DCHS2: variants seen among roughly 807,000 people sequenced by gnomAD.
DCHS2 encodes dachsous cadherin-related 2, also known as protocadherin-23.
DCHS2 carries 142 observed loss-of-function variants against 182.4 expected under a neutral mutation model. That is an observed-to-expected ratio of 0.78 (90% confidence interval 0.68 to 0.89). The LOEUF is 0.89. Among genes scored for constraint, DCHS2 ranks in the 40% least tolerant of loss-of-function variants. DCHS2 has a pLI of 0.00. For missense variants in DCHS2, 4,319 were observed against 4,198.6 expected (o/e 1.03, Z -0.79); for synonymous variants, 1,740 against 1,663.3 (o/e 1.05, Z -1.12).
intron 3 of DCHS2, among the ~76,000 whole-genome samples, chr4:154,337,915 A>G (rs990708566): frequency 7.9e-5 from 12 of 152,034 alleles, no homozygotes; most frequent in African/African-American, 2.9e-4. Flanking sequence ...TAATTTTTGT[A>G]TCTTTAGTAG....
intron 1 of DCHS2, among the ~76,000 whole-genome samples, chr4:154,488,255 A>G (rs1728659190): frequency 6.6e-6 from 1 of 151,992 alleles, no homozygotes; most frequent in Admixed American, 6.6e-5. Context: ...AAAACATGCC[A>G]TTCTGATAGT....
At chr4:154,426,566 T>C (rs952670453) in intron 1 of DCHS2, among the ~76,000 whole-genome samples, 9 of 152,138 alleles carry the variant, frequency 5.9e-5, no homozygotes, top group Non-Finnish European at 1.0e-4. Flanking sequence ...TACAAATATA[T>C]AACTAGATAG....
At chr4:154,464,179 C>T (rs1223167676) in intron 1 of DCHS2, among the ~76,000 whole-genome samples, 1 of 152,152 alleles carries the variant, frequency 6.6e-6, no homozygotes, top group African/African-American at 2.4e-5. Flanking sequence ...AGAGGGGACA[C>T]TGAATTCCTA....
intron 16 of DCHS2, among the ~76,000 whole-genome samples, chr4:154,248,219 G>A (rs2111127938): frequency 6.6e-6 from 1 of 152,270 alleles, no homozygotes; most frequent in Non-Finnish European, 1.5e-5. Context: ...ATTTGACTAT[G>A]AAGTAAACAT....
At chr4:154,239,068 G>A in intron 19 of DCHS2, 102 bp downstream of exon 19, 2 of 1,436,188 alleles carry the variant, frequency 1.4e-6, no homozygotes, top group Non-Finnish European at 1.8e-6. Flanking sequence ...ATGCGGGGTG[G>A]GGAGGTGGGG....
chr4:154,340,332 C>G (rs1022416958), intron 3 of DCHS2, among the ~76,000 whole-genome samples: 1 of 152,104 alleles, frequency 6.6e-6, no homozygotes, highest in Non-Finnish European at 1.5e-5. Context: ...GAGAAGCTGT[C>G]TATATAAAGC....
At chr4:154,283,572 A>C (rs6834372) in intron 13 of DCHS2, among the ~76,000 whole-genome samples, 4 of 151,990 alleles carry the variant, frequency 2.6e-5, no homozygotes, top group African/African-American at 9.7e-5. Context: ...GATTTTAATG[A>C]GGCAACTTTC....
intron 1 of DCHS2, among the ~76,000 whole-genome samples, chr4:154,418,658 CCTT>C (rs1422900635): frequency 6.6e-6 from 1 of 152,104 alleles, no homozygotes; most frequent in Non-Finnish European, 1.5e-5. Flanking sequence ...TGTAATATCT[CCTT>C]TTCTACCCTG....
chr4:154,377,293 TC>T lies in DCHS2; in HGVS notation c.2203del (p.Asp735IlefsTer17). ...CVSQDIDRER[D>X]PATYDLLVEA... ...CACCAGGAGATCATAGGTAGCTGGA[TC>T]CCTTTCCCTGTCGATATCTTGAGAA... On this transcript the variant is annotated frameshift_variant, in exon 2 of 20. Transcript: ENST00000357232. LOFTEE classifies it high-confidence loss of function. The T allele has an allele frequency of 6.2e-7, 1 of 1,613,636 alleles. No homozygotes were observed. The highest frequency in any genetic ancestry group is 8.5e-7 in the Non-Finnish European group (1 of 1,179,706).
chr4:154,333,561 G>A (rs1404206880), intron 4 of DCHS2, 67 bp from the exon 5 acceptor site: 2 of 1,442,938 alleles, frequency 1.4e-6, no homozygotes, highest in Non-Finnish European at 1.9e-6. Context: ...CTCAGAAATT[G>A]AAATGTTAAT....
At chr4:154,398,647 T>C (rs1331416778) in intron 1 of DCHS2, among the ~76,000 whole-genome samples, 1 of 152,220 alleles carries the variant, frequency 6.6e-6, no homozygotes, top group Non-Finnish European at 1.5e-5. Context: ...TTCCTATCCC[T>C]ATAAAGCTAT....
rs1398204719 is a variant in DCHS2, at chr4:154,304,927, C to A, written c.5396-49G>T. 3 of 1,548,402 alleles carry A rather than the reference C, an allele frequency of 1.9e-6. No homozygotes were observed. In the East Asian group the frequency reaches 6.9e-5, roughly 36 times the overall value. On this transcript the variant is annotated intron_variant, in intron 11 of 19. Transcript: ENST00000357232. ...ATGAATTGTGGCCTTTGATTCATAC[C>A]TAAAATATGTTGTTCTAACTAGACA... is the stretch of plus-strand genomic sequence containing the variant.
At chr4:154,450,197 G>A (rs1046249888) in intron 1 of DCHS2, among the ~76,000 whole-genome samples, 1 of 152,152 alleles carries the variant, frequency 6.6e-6, no homozygotes, top group African/African-American at 2.4e-5. Context: ...CATAGATGAA[G>A]GAAAACACTT....
chr4:154,371,532 G>A (rs756536746), intron 2 of DCHS2, among the ~76,000 whole-genome samples: 4 of 152,118 alleles, frequency 2.6e-5, no homozygotes, highest in East Asian at 3.9e-4. Context: ...GAAGCATTTC[G>A]AAGGGCAGAG....
intron 12 of DCHS2, among the ~76,000 whole-genome samples, chr4:154,302,790 C>CAT (rs200879847): frequency 0.017 from 2,358 of 141,412 alleles, 69 homozygotes; most frequent in African/African-American, 0.063. Context: ...GGATGCCTTT[C>CAT]ATATATATAT....
Position 154,259,630 on chromosome 4 carries a change from T to G in DCHS2, c.6704A>C (p.Glu2235Ala). Residue 2235 changes from glutamate to alanine, a missense_variant, in exon 15 of 20, where the codon GAG (glutamate) becomes GCG (alanine). Coordinates refer to ENST00000357232, the MANE Select transcript of DCHS2 (RefSeq NM_001358235.2). ...TTCAAAGCATGGTGAATTATCATTC[T>G]CATCCTGTATCAAGACTGCTACTTT... ...YCKVAVLIQD[E>A]NDNSPCFEQS... is the part of the protein sequence containing the mutation. 1 of 1,614,096 alleles carries G rather than the reference T, an allele frequency of 6.2e-7. No homozygotes were observed. Among genetic ancestry groups the G allele is most frequent in the Non-Finnish European group, 8.5e-7 (1 of 1,180,020 alleles).
At chr4:154,360,138 G>A (rs926625262) in intron 3 of DCHS2, among the ~76,000 whole-genome samples, 1 of 151,954 alleles carries the variant, frequency 6.6e-6, no homozygotes, top group Non-Finnish European at 1.5e-5. Flanking sequence ...TATTTGCCAT[G>A]TTTATCCCAT....
At chr4:154,338,559 T>C (rs1157596710) in intron 3 of DCHS2, among the ~76,000 whole-genome samples, 3 of 152,216 alleles carry the variant, frequency 2.0e-5, no homozygotes, top group Non-Finnish European at 2.9e-5. Flanking sequence ...GGCACTTTGG[T>C]GATACTTATC....
chr4:154,298,968 G>A, intron 12 of DCHS2: 1 of 355,534 alleles, frequency 2.8e-6, no homozygotes. Context: ...TAGAACACTT[G>A]CTTTCACTAA....
Sources: allele counts gnomAD v4.1 joint callset (sites outside exome capture counted in the v4.1 genomes callset), GRCh38; gene constraint gnomAD v4.1.1; transcripts MANE v1.5; gene names NCBI Gene and HGNC (gene_info 2026-07-23, HGNC 2026-07-21).